The following C15orf61 variants were observed in gnomAD, a reference collection of about 807,000 sequenced individuals.
C15orf61 encodes the protein chromosome 15 open reading frame 61.
C15orf61 carries 12 observed loss-of-function variants against 13.7 expected under a neutral mutation model. The observed-to-expected ratio is 0.88, with a 90% CI of 0.56 to 1.42. The LOEUF is 1.42. Ranked by LOEUF, C15orf61 falls within the 40% of genes most tolerant of loss-of-function variation. C15orf61 has a pLI of 0.00. For missense variants in C15orf61, 248 were observed against 213.2 expected (o/e 1.16, Z -1.02); for synonymous variants, 92 against 94.1 (o/e 0.98, Z 0.13).
rs966466518 is a variant in C15orf61 at position 67,528,898 on chromosome 15, A to G, written c.*2353A>G. Reference sequence around the variant, plus strand: ...ACATTCTTCTGCTCCATTATACTTAAAGGACTTCATTAATTAAAAAATTTC... The same window carrying G: ...ACATTCTTCTGCTCCATTATACTTAGAGGACTTCATTAATTAAAAAATTTC... On this transcript the variant is annotated 3_prime_UTR_variant, in exon 2 of 2. Transcript: ENST00000342683. 10 of 152,218 alleles carry G rather than the reference A, an allele frequency of 6.6e-5. No homozygotes were observed. The highest frequency in any genetic ancestry group is 2.4e-4 in the African/African-American group (10 of 41,448). 9.4% of individuals were successfully genotyped at this position (152,218 alleles called of 1,614,324 possible). A position where few individuals can be genotyped will look rare whatever the true frequency, so the allele number is the denominator to read the frequency against.
chr15:67,521,222 C>T lies in C15orf61; in HGVS notation c.-27C>T, dbSNP rs936936636. The T allele has an allele frequency of 2.3e-4, 279 of 1,202,940 alleles. No individual in the cohort carries two copies. The highest frequency in any genetic ancestry group is 3.2e-4 in the Middle Eastern group (1 of 3,138). 74.5% of individuals were successfully genotyped at this position (1,202,940 alleles called of 1,614,324 possible). A position where few individuals can be genotyped will look rare whatever the true frequency, so the allele number is the denominator to read the frequency against. Reference sequence around the variant, plus strand: ...CTTGCGCGCCAGCGGCTGCGGACACCAGCCTGCGTCCCCGGCGCGGCGGGC... The same window carrying T: ...CTTGCGCGCCAGCGGCTGCGGACACTAGCCTGCGTCCCCGGCGCGGCGGGC... On this transcript the variant is annotated 5_prime_UTR_variant, in exon 1 of 2. Transcript: ENST00000342683.
intron 1 of C15orf61, among the ~76,000 whole-genome samples, chr15:67,523,731 T>C (rs1487678548): frequency 3.3e-5 from 5 of 152,234 alleles, no homozygotes; most frequent in African/African-American, 1.2e-4. Context: ...CAGAAAAAAT[T>C]GAATTTTTCA....
At chr15:67,523,536 G>A (rs978607240) in intron 1 of C15orf61, among the ~76,000 whole-genome samples, 1 of 152,134 alleles carries the variant, frequency 6.6e-6, no homozygotes, top group Non-Finnish European at 1.5e-5. Context: ...GAAGTAGATT[G>A]AGATTTAAGA....
Position 67,525,882 on chromosome 15 carries a change from C to T in C15orf61, c.347-536C>T, listed in dbSNP as rs942805224. Among the ~76,000 whole-genome samples the T allele has an allele frequency of 5.3e-5, 8 of 152,232 alleles. No homozygotes were observed. The highest frequency in any genetic ancestry group is 3.9e-4 in the East Asian group (2 of 5,182). On this transcript the variant is annotated intron_variant, in intron 1 of 1. Transcript: ENST00000342683. This position sits in a 1 kb window ranked among gnomAD's most constrained non-coding sequence, Gnocchi z 4.9. ...TACAAAAATTATCTGAGCGTGGTGG[C>T]GCGCGCCTGTAGTCCCAGCTACTCA...
intron 1 of C15orf61, chr15:67,522,094 T>TGA (rs1471846123): frequency 1.4e-6 from 1 of 701,772 alleles, no homozygotes; most frequent in Admixed American, 2.0e-5. Flanking sequence ...GCACCAAAGG[T>TGA]TTTCACCAGA....
intron 1 of C15orf61, among the ~76,000 whole-genome samples, chr15:67,524,523 A>G (rs1451648807): frequency 6.6e-6 from 1 of 152,176 alleles, no homozygotes; most frequent in Non-Finnish European, 1.5e-5. Context: ...GTGATACACT[A>G]TAAAAGGTTT....
Position 67,526,575 on chromosome 15 carries a change from TG to T in C15orf61, c.*32del. 1 of 1,483,074 alleles carries T rather than the reference TG, an allele frequency of 6.7e-7. No individual in the cohort carries two copies. The allele number at this position is 1,483,074 out of a possible 1,614,324, so 91.9% of individuals were successfully genotyped here. A position where few individuals can be genotyped will look rare whatever the true frequency, so the allele number is the denominator to read the frequency against. On this transcript the variant is annotated 3_prime_UTR_variant, in exon 2 of 2. Coordinates refer to ENST00000342683, the MANE Select transcript of C15orf61 (RefSeq NM_001143936.2). ...GTGCGTCAAAGAACATAAATATCAG[TG>T]GATTTTCTCTGTGTATATGTGCAGT...
chr15:67,522,116 C>A (rs1183307465), intron 1 of C15orf61: 1 of 701,668 alleles, frequency 1.4e-6, no homozygotes, highest in Non-Finnish European at 2.6e-6. Context: ...ATAACAGCTT[C>A]CTGAGGTGCT....
chr15:67,529,309 C>A lies in C15orf61; in HGVS notation c.*2764C>A, dbSNP rs2084215688. 6.6e-6 allele frequency: 1 copy of A among 152,116 alleles called. No homozygotes were observed. Among genetic ancestry groups the A allele is most frequent in the Non-Finnish European group, 1.5e-5 (1 of 68,018 alleles). The allele number at this position is 152,116 out of a possible 1,614,324, so 9.4% of individuals were successfully genotyped here. A position where few individuals can be genotyped will look rare whatever the true frequency, so the allele number is the denominator to read the frequency against. On this transcript the variant is annotated 3_prime_UTR_variant, in exon 2 of 2. Transcript: ENST00000342683. This position sits in a 1 kb window ranked among gnomAD's most constrained non-coding sequence, Gnocchi z 4.4. Reference sequence around the variant, plus strand: ...GGGAGCGTGAGAGAGGCTGCTAATACAAAAATCTCTATTTTCTTAGTGTTG... The same window carrying A: ...GGGAGCGTGAGAGAGGCTGCTAATAAAAAAATCTCTATTTTCTTAGTGTTG...
rs1197183761 is a variant in C15orf61 at position 67,521,609 on chromosome 15, CCGCGCCCA to C, written c.346+20_346+27del. ...CGTCAACCTCGGTGAGTGGCGACTGCCGCGCCCACGCGGTGAAGCCCGCCCGGCCGGGA... is the reference window on the plus strand; with the variant it reads ...CGTCAACCTCGGTGAGTGGCGACTGCCGCGGTGAAGCCCGCCCGGCCGGGA... On this transcript the variant is annotated intron_variant, in intron 1 of 1. Transcript: ENST00000342683. 2.0e-6 allele frequency: 3 copies of C among 1,500,296 alleles called. No individual in the cohort carries two copies. Among genetic ancestry groups the C allele is most frequent in the African/African-American group, 1.4e-5 (1 of 71,780 alleles). 92.9% of individuals were successfully genotyped at this position (1,500,296 alleles called of 1,614,324 possible). A position where few individuals can be genotyped will look rare whatever the true frequency, so the allele number is the denominator to read the frequency against.
At chr15:67,526,041 A>G (rs980180352) in intron 1 of C15orf61, among the ~76,000 whole-genome samples, 1 of 152,222 alleles carries the variant, frequency 6.6e-6, no homozygotes, top group African/African-American at 2.4e-5. Flanking sequence ...AGTAGTGTTA[A>G]CTTAGTAATT....
chr15:67,522,026 C>CT lies in C15orf61; in HGVS notation c.346+436dup, dbSNP rs765672743. On this transcript the variant is annotated intron_variant, in intron 1 of 1. Transcript: ENST00000342683. ...TTATGTTGCAATAACTGGAACTACT[C>CT]TTTTAAGTTTCTTTTGTTTTCTTTG... 5.2e-4 allele frequency: 366 copies of CT among 699,630 alleles called. 1 individual carries two copies. The highest frequency in any genetic ancestry group is 2.5e-3 in the Middle Eastern group (11 of 4,348). 43.3% of individuals were successfully genotyped at this position (699,630 alleles called of 1,614,324 possible). A position where few individuals can be genotyped will look rare whatever the true frequency, so the allele number is the denominator to read the frequency against.
intron 1 of C15orf61, chr15:67,521,811 G>T: frequency 1.6e-6 from 1 of 623,300 alleles, no homozygotes. Flanking sequence ...GCCTGCTGCG[G>T]GCGCGTCCTC....
intron 1 of C15orf61, among the ~76,000 whole-genome samples, chr15:67,522,472 A>G (rs1191777658): frequency 6.6e-6 from 1 of 152,266 alleles, no homozygotes; most frequent in South Asian, 2.1e-4. Context: ...CTGATCGTCC[A>G]TTAAGGTTAA....
chr15:67,521,239 G>C lies in C15orf61; in HGVS notation c.-10G>C, dbSNP rs2084156919. On this transcript the variant is annotated 5_prime_UTR_variant, in exon 1 of 2. Coordinates refer to ENST00000342683, the MANE Select transcript of C15orf61 (RefSeq NM_001143936.2). ...GCGGACACCAGCCTGCGTCCCCGGC[G>C]CGGCGGGCCATGGAGGCCCTGAGGA... The C allele has an allele frequency of 8.2e-7, 1 of 1,225,580 alleles. No homozygotes were observed. Among genetic ancestry groups the C allele is most frequent in the African/African-American group, 1.6e-5 (1 of 63,954 alleles). The allele number at this position is 1,225,580 out of a possible 1,614,324, so 75.9% of individuals were successfully genotyped here.
intron 1 of C15orf61, chr15:67,522,323 C>G (rs1218486406): frequency 1.5e-6 from 1 of 678,818 alleles, no homozygotes; most frequent in Non-Finnish European, 2.6e-6. Context: ...TTACTAATAG[C>G]TGGCATAAAA....
intron 1 of C15orf61, among the ~76,000 whole-genome samples, chr15:67,522,850 A>G (rs1477075583): frequency 6.6e-6 from 1 of 152,268 alleles, no homozygotes; most frequent in Admixed American, 6.5e-5. Context: ...ACCATGAGCC[A>G]AATGCCTTTT....
intron 1 of C15orf61, chr15:67,521,869 A>G (rs1243218497): frequency 3.2e-6 from 2 of 627,542 alleles, no homozygotes; most frequent in African/African-American, 3.7e-5. Context: ...CATGTTAACC[A>G]GAGTAGACCC....
In C15orf61 at chr15:67,528,051, A is replaced by T. The variant is rs1008766996; in HGVS notation, c.*1506A>T. The T allele has an allele frequency of 6.6e-6, 1 of 152,262 alleles. No homozygotes were observed. Among genetic ancestry groups the T allele is most frequent in the African/African-American group, 2.4e-5 (1 of 41,466 alleles). 9.4% of individuals were successfully genotyped at this position (152,262 alleles called of 1,614,324 possible). ...GGGCAAAGTTAAATAACTATAGCTC[A>T]TAAGTTTTAAGTCAAATACTGCTCA... On this transcript the variant is annotated 3_prime_UTR_variant, in exon 2 of 2. Coordinates refer to ENST00000342683, the MANE Select transcript of C15orf61 (RefSeq NM_001143936.2).
Sources: gnomAD v4.1 joint callset for allele counts (sites outside exome capture counted in the v4.1 genomes callset) on GRCh38, gnomAD v4.1.1 for gene constraint, Gnocchi (gnomAD v3.1) non-coding constraint, MANE v1.5 for transcripts, NCBI Gene and HGNC (gene_info 2026-07-23, HGNC 2026-07-21) for gene names.